CAPZA2: variants seen among roughly 807,000 people sequenced by gnomAD.
CAPZA2 encodes F-actin-capping protein subunit alpha-2.
A neutral mutation model predicts 44.0 loss-of-function variants in CAPZA2; 13 were observed. The ratio of observed to expected loss-of-function variants is 0.30; its 90% CI spans 0.19 to 0.47. CAPZA2 has a LOEUF of 0.47. Among genes scored for constraint, CAPZA2 ranks in the 20% least tolerant of loss-of-function variants. The pLI is 1.00. For synonymous variants in CAPZA2, 94 were observed against 108.2 expected (o/e 0.87, Z 0.81); for missense variants, 244 against 338.6 (o/e 0.72, Z 2.19).
chr7:116,871,758 A>T (rs142290819), intron 1 of CAPZA2, among the ~76,000 whole-genome samples: 1 of 152,182 alleles, frequency 6.6e-6, no homozygotes, highest in African/African-American at 2.4e-5. Context: ...TATCTTTGTT[A>T]TAACATTTAC....
At chr7:116,902,365 C>G (rs1012053448) in intron 4 of CAPZA2, among the ~76,000 whole-genome samples, 9 of 152,040 alleles carry the variant, frequency 5.9e-5, no homozygotes, top group African/African-American at 2.2e-4. Flanking sequence ...TTAAAGAACT[C>G]TTATAAATTG....
At chr7:116,898,360 C>T (rs1311662840) in intron 3 of CAPZA2, among the ~76,000 whole-genome samples, 2 of 150,946 alleles carry the variant, frequency 1.3e-5, no homozygotes, top group Admixed American at 6.6e-5. Flanking sequence ...TCCATTTTCT[C>T]TTTTATTCAC....
chr7:116,884,636 A>G (rs972742866), intron 1 of CAPZA2, among the ~76,000 whole-genome samples: 6 of 152,214 alleles, frequency 3.9e-5, no homozygotes, highest in Non-Finnish European at 8.8e-5. Flanking sequence ...TTCATTGTGT[A>G]GATATACCAT....
At chr7:116,866,262 C>T (rs1474198422) in intron 1 of CAPZA2, among the ~76,000 whole-genome samples, 1 of 151,798 alleles carries the variant, frequency 6.6e-6, no homozygotes, top group East Asian at 1.9e-4. Context: ...AGCTCCGCCT[C>T]CTGGGTTCAC....
intron 1 of CAPZA2, among the ~76,000 whole-genome samples, chr7:116,865,955 T>A (rs1361181104): frequency 6.6e-6 from 1 of 152,210 alleles, no homozygotes; most frequent in African/African-American, 2.4e-5. Flanking sequence ...GAATAAAGCT[T>A]ATTATTAACA....
chr7:116,863,729 A>G (rs1796447160), intron 1 of CAPZA2, among the ~76,000 whole-genome samples: 2 of 152,068 alleles, frequency 1.3e-5, no homozygotes, highest in Admixed American at 1.3e-4. Flanking sequence ...TCTTCGTTAA[A>G]GAGTGCTTCA....
intron 3 of CAPZA2, among the ~76,000 whole-genome samples, chr7:116,894,210 A>G (rs1237958889): frequency 2.0e-5 from 3 of 152,090 alleles, no homozygotes; most frequent in Non-Finnish European, 2.9e-5. Flanking sequence ...AAAAATAGAA[A>G]AATTAGCTGA....
At chr7:116,866,309 C>T (rs1272697622) in intron 1 of CAPZA2, among the ~76,000 whole-genome samples, 1 of 151,890 alleles carries the variant, frequency 6.6e-6, no homozygotes, top group Non-Finnish European at 1.5e-5. Context: ...GTAGCTGGGA[C>T]TACAGGCGCC....
intron 2 of CAPZA2, among the ~76,000 whole-genome samples, chr7:116,892,763 G>A (rs1417668895): frequency 6.6e-6 from 1 of 151,734 alleles, no homozygotes; most frequent in Non-Finnish European, 1.5e-5. Context: ...GACTGTTAAG[G>A]GTGTAAACAA....
chr7:116,899,759 A>G (rs1796972138), intron 4 of CAPZA2, among the ~76,000 whole-genome samples: 1 of 151,556 alleles, frequency 6.6e-6, no homozygotes, highest in Non-Finnish European at 1.5e-5. Context: ...AATTGCTATA[A>G]GAAAATTTGC....
chr7:116,878,271 C>G (rs149135079), intron 1 of CAPZA2, among the ~76,000 whole-genome samples: 4 of 152,228 alleles, frequency 2.6e-5, no homozygotes, highest in African/African-American at 9.6e-5. Context: ...TTATTTTGTT[C>G]CTCACAAAAG....
chr7:116,905,955 A>T (rs1791494694), intron 5 of CAPZA2, among the ~76,000 whole-genome samples: 2 of 152,210 alleles, frequency 1.3e-5, no homozygotes, highest in South Asian at 4.1e-4. Context: ...TAGCATCTGT[A>T]TGTTTAAAAT....
intron 6 of CAPZA2, chr7:116,906,551 G>GAA (rs1791515674): frequency 6.1e-6 from 5 of 818,996 alleles, no homozygotes; most frequent in Non-Finnish European, 7.0e-6. Context: ...ACATTCAGTG[G>GAA]AAAGAGTATG....
intron 6 of CAPZA2, 74 bp downstream of exon 6, chr7:116,906,416 G>T: frequency 1.3e-6 from 2 of 1,547,020 alleles, no homozygotes; most frequent in South Asian, 1.2e-5. Context: ...TTAGTGATTT[G>T]GGCTACACCT....
At chr7:116,866,474 C>A (rs1050110861) in intron 1 of CAPZA2, among the ~76,000 whole-genome samples, 6 of 152,298 alleles carry the variant, frequency 3.9e-5, no homozygotes, top group African/African-American at 1.4e-4. Flanking sequence ...CCCGGCCTCC[C>A]ATAGACTTTT....
At chr7:116,867,582 CTTTTTTTTTT>C (rs67944722) in intron 1 of CAPZA2, among the ~76,000 whole-genome samples, 1 of 114,826 alleles carries the variant, frequency 8.7e-6, no homozygotes, top group Non-Finnish European at 1.8e-5. Context: ...ATTTCTCTCT[CTTTTTTTTTT>C]TTTTTTTTTG....
At chr7:116,915,206 G>C (rs1054917578) in intron 8 of CAPZA2, among the ~76,000 whole-genome samples, 4 of 152,022 alleles carry the variant, frequency 2.6e-5, no homozygotes, top group African/African-American at 9.7e-5. Flanking sequence ...GGGTGGCTGA[G>C]GCATGAAAAT....
chr7:116,875,260 A>G (rs1448102316), intron 1 of CAPZA2: 2 of 152,180 alleles, frequency 1.3e-5, no homozygotes, highest in Non-Finnish European at 2.9e-5. Flanking sequence ...ACCAAATGGC[A>G]AAGTGTTCAT....
intron 1 of CAPZA2, among the ~76,000 whole-genome samples, chr7:116,880,649 G>A (rs1283069255): frequency 7.2e-6 from 1 of 138,508 alleles, no homozygotes; most frequent in Admixed American, 7.7e-5. Flanking sequence ...CACCCGCCTC[G>A]GCCTCCCAAA....
Sources: gnomAD v4.1 joint callset for allele counts (sites outside exome capture counted in the v4.1 genomes callset) on GRCh38, gnomAD v4.1.1 for gene constraint, MANE v1.5 for transcripts, NCBI Gene and HGNC (gene_info 2026-07-23, HGNC 2026-07-21) for gene names.